ZNF43: variants seen among roughly 807,000 people sequenced by gnomAD.
ZNF43 encodes zinc finger protein 43, also known as zinc finger protein 39-like 1 (KOX 27).
ZNF43 carries 44 observed loss-of-function variants against 68.4 expected under a neutral mutation model. The ratio of observed to expected loss-of-function variants is 0.64; its 90% CI spans 0.51 to 0.83. The LOEUF is 0.83. Ranked by LOEUF, ZNF43 falls within the 40% of genes least tolerant of loss-of-function variation. The pLI, the probability that ZNF43 is intolerant of heterozygous loss-of-function variation, is 0.00. For synonymous variants in ZNF43, 308 were observed against 307.8 expected (o/e 1.00, Z -0.01); for missense variants, 896 against 933.2 (o/e 0.96, Z 0.52).
chr19:21,811,879 C>A (rs2037291123), intron 3 of ZNF43: 1 of 381,578 alleles, frequency 2.6e-6, no homozygotes, highest in South Asian at 1.4e-4. Flanking sequence ...AAAAAAGGAA[C>A]TAACAAATCT....
chr19:21,832,684 G>A (rs984012577), intron 1 of ZNF43, among the ~76,000 whole-genome samples: 1 of 152,110 alleles, frequency 6.6e-6, no homozygotes, highest in Non-Finnish European at 1.5e-5. Context: ...GGCCAATATG[G>A]TGAAACCCCA....
intron 1 of ZNF43, among the ~76,000 whole-genome samples, chr19:21,825,658 C>T (rs2038082988): frequency 6.6e-6 from 1 of 151,208 alleles, no homozygotes; most frequent in Admixed American, 6.6e-5. Flanking sequence ...TGGAGATCCT[C>T]ATGTCCTCAT....
chr19:21,844,579 T>C lies in ZNF43; in HGVS notation c.30+7326A>G, dbSNP rs907196828. Among the ~76,000 whole-genome samples the C allele has an allele frequency of 5.3e-5, 8 of 151,954 alleles. No individual in the cohort carries two copies. The South Asian group carries it at 1.7e-3, about 32-fold the overall frequency. ...CTGGTTCAAGGTATGAGAATCATCA[T>C]AGTAATTTGTAAGCTCAGGCAAAAT... On this transcript the variant is annotated intron_variant, in intron 1 of 3. Coordinates refer to the ZNF43 transcript ENST00000357491.
At chr19:21,846,912 C>G (rs1967991236) in intron 1 of ZNF43, among the ~76,000 whole-genome samples, 1 of 152,152 alleles carries the variant, frequency 6.6e-6, no homozygotes, top group Non-Finnish European at 1.5e-5. Context: ...GCAGAAGACT[C>G]ACATGTCAGT....
chr19:21,834,224 G>GC (rs2145335719), intron 1 of ZNF43, among the ~76,000 whole-genome samples: 1 of 151,618 alleles, frequency 6.6e-6, no homozygotes, highest in African/African-American at 2.4e-5. Context: ...GGTAGTTCCA[G>GC]CTACTGGAGT....
intron 1 of ZNF43, chr19:21,826,843 A>C (rs1029435650): frequency 6.6e-6 from 1 of 152,050 alleles, no homozygotes; most frequent in Non-Finnish European, 1.5e-5. Flanking sequence ...TCTCCAAAAA[A>C]AAAAAACTGT....
chr19:21,812,265 T>TA (rs1346011540), intron 3 of ZNF43, among the ~76,000 whole-genome samples: 2 of 152,206 alleles, frequency 1.3e-5, no homozygotes, highest in Non-Finnish European at 2.9e-5. Context: ...TAGCTGGGAT[T>TA]ACAGGCGCGC....
intron 1 of ZNF43, among the ~76,000 whole-genome samples, chr19:21,829,300 G>A (rs2038311682): frequency 1.3e-5 from 2 of 152,056 alleles, no homozygotes; most frequent in African/African-American, 4.8e-5. Flanking sequence ...ACACTGAACT[G>A]TTCTTGCTTT....
intron 1 of ZNF43, among the ~76,000 whole-genome samples, chr19:21,820,237 CAT>C (rs1333807512): frequency 3.8e-5 from 5 of 133,262 alleles, no homozygotes; most frequent in African/African-American, 9.8e-5. Flanking sequence ...ATAATATATA[CAT>C]ATATATTAAT....
chr19:21,815,836 A>G (rs903435191), intron 3 of ZNF43, among the ~76,000 whole-genome samples: 14 of 151,982 alleles, frequency 9.2e-5, no homozygotes, highest in Non-Finnish European at 1.6e-4. Context: ...AGATGGGTGG[A>G]TCATTTGAGG....
intron 1 of ZNF43, among the ~76,000 whole-genome samples, chr19:21,830,742 T>C (rs910668009): frequency 6.7e-6 from 1 of 150,314 alleles, no homozygotes; most frequent in Non-Finnish European, 1.5e-5. Flanking sequence ...GAAGGAACTC[T>C]TCCCCAACTC....
intron 3 of ZNF43, among the ~76,000 whole-genome samples, chr19:21,811,093 T>C (rs1457573874): frequency 1.3e-5 from 2 of 152,192 alleles, no homozygotes; most frequent in African/African-American, 2.4e-5. Flanking sequence ...TTCAACATAT[T>C]CTTGCTCAAG....
chr19:21,851,909 TCC>T lies in ZNF43; in HGVS notation c.24_25del (p.Trp8Ter). 6.3e-7 allele frequency: 1 copy of T among 1,580,534 alleles called. No individual in the cohort carries two copies. The highest frequency in any genetic ancestry group is 8.6e-7 in the Non-Finnish European group (1 of 1,163,322). ...TGCCTAACCCCGCACACTCACCATTTCCCAGCTTCCAGGATGTCCGGGCATCT... is the reference window on the plus strand; with the variant it reads ...TGCCTAACCCCGCACACTCACCATTTCAGCTTCCAGGATGTCCGGGCATCT... On this transcript the variant is annotated stop_gained and frameshift_variant, in exon 1 of 4. Coordinates refer to the ZNF43 transcript ENST00000357491. LOFTEE classifies it high-confidence loss of function.
intron 1 of ZNF43, among the ~76,000 whole-genome samples, chr19:21,835,309 G>A (rs1241143576): frequency 6.8e-6 from 1 of 147,198 alleles, no homozygotes; most frequent in African/African-American, 2.5e-5. Flanking sequence ...TTGCGGAGAA[G>A]AAGGTGGCAT....
intron 1 of ZNF43, among the ~76,000 whole-genome samples, chr19:21,848,871 C>T (rs1384540105): frequency 7.8e-6 from 1 of 127,970 alleles, no homozygotes; most frequent in Non-Finnish European, 1.6e-5. Context: ...CGCTCTGGCC[C>T]TCAGCCCAGG....
At chr19:21,812,942 T>A (rs867720375) in intron 3 of ZNF43, among the ~76,000 whole-genome samples, 59 of 131,482 alleles carry the variant, frequency 4.5e-4, no homozygotes, top group African/African-American at 1.6e-3. Context: ...CAAAAAAAAA[T>A]AATAATAAAA....
chr19:21,814,830 C>T (rs1384400276), intron 3 of ZNF43, among the ~76,000 whole-genome samples: 1 of 152,042 alleles, frequency 6.6e-6, no homozygotes, highest in Non-Finnish European at 1.5e-5. Context: ...AAGAAACCTA[C>T]ACTGAAGAAA....
At chr19:21,835,355 GTTT>G (rs554756455) in intron 1 of ZNF43, among the ~76,000 whole-genome samples, 4 of 119,620 alleles carry the variant, frequency 3.3e-5, no homozygotes, top group Admixed American at 8.8e-5. Context: ...ATCTAGTTTA[GTTT>G]TTTTTTTTTT....
rs2036942748 is a variant in ZNF43, at chr19:21,806,359, T to C, written c.*1248A>G. ...TTTGTATTTTTAGTAAAGACAGGGT[T>C]TCACCATGTTGGTCAGGCTGGTCTC... On this transcript the variant is annotated 3_prime_UTR_variant, in exon 4 of 4. Coordinates refer to ENST00000354959, the MANE Select transcript of ZNF43 (RefSeq NM_003423.4). The C allele has an allele frequency of 6.6e-6, 1 of 152,134 alleles. No homozygotes were observed. The highest frequency in any genetic ancestry group is 1.5e-5 in the Non-Finnish European group (1 of 68,036). 9.4% of individuals were successfully genotyped at this position (152,134 alleles called of 1,614,324 possible). A position where few individuals can be genotyped will look rare whatever the true frequency, so the allele number is the denominator to read the frequency against.
Sources: allele counts gnomAD v4.1 joint callset (sites outside exome capture counted in the v4.1 genomes callset), GRCh38; gene constraint gnomAD v4.1.1; transcripts MANE v1.5; gene names NCBI Gene and HGNC (gene_info 2026-07-23, HGNC 2026-07-21).